Variants in ZUP1 observed in about 807,000 individuals in gnomAD.
ZUP1 encodes zinc finger-containing ubiquitin peptidase 1.
Under a neutral mutation model 68.1 loss-of-function variants are expected in ZUP1, and 55 were observed. That is an observed-to-expected ratio of 0.81 (90% confidence interval 0.65 to 1.01). ZUP1 has a LOEUF of 1.01. Ranked by LOEUF, ZUP1 falls within the 50% of genes least tolerant of loss-of-function variation. ZUP1 has a pLI of 0.00. For synonymous variants in ZUP1, 223 were observed against 221.5 expected (o/e 1.01, Z -0.06); for missense variants, 684 against 674.9 (o/e 1.01, Z -0.15).
chr6:116,645,308 C>T (rs544555534), intron 9 of ZUP1, among the ~76,000 whole-genome samples: 5 of 152,034 alleles, frequency 3.3e-5, no homozygotes, highest in East Asian at 1.9e-4. Flanking sequence ...GGGCTAGGCA[C>T]GGTGGCTCAC....
chr6:116,639,131 C>T (rs1036376332), intron 9 of ZUP1, among the ~76,000 whole-genome samples: 13 of 152,256 alleles, frequency 8.5e-5, no homozygotes, highest in South Asian at 8.3e-4. Context: ...AGCAAGGCTG[C>T]GGGAGGGGTG....
At chr6:116,641,089 A>G (rs993467142) in intron 9 of ZUP1, among the ~76,000 whole-genome samples, 36 of 140,602 alleles carry the variant, frequency 2.6e-4, no homozygotes, top group Non-Finnish European at 4.7e-4. Flanking sequence ...AAAGAGACAA[A>G]GGAGGCCATT....
At chr6:116,643,190 A>G (rs1776178738) in intron 9 of ZUP1, among the ~76,000 whole-genome samples, 2 of 152,234 alleles carry the variant, frequency 1.3e-5, no homozygotes, top group African/African-American at 4.8e-5. Context: ...ATAAAAGAGG[A>G]TACAAACAAA....
intron 2 of ZUP1, among the ~76,000 whole-genome samples, chr6:116,664,971 G>A (rs1205935057): frequency 6.6e-6 from 1 of 151,786 alleles, no homozygotes; most frequent in Admixed American, 6.6e-5. Flanking sequence ...TATGAGAATA[G>A]CTTTTTGAAT....
chr6:116,663,400 T>C (rs578166309), intron 2 of ZUP1, among the ~76,000 whole-genome samples: 1 of 152,322 alleles, frequency 6.6e-6, no homozygotes, highest in South Asian at 2.1e-4. Flanking sequence ...CTATTTCACT[T>C]CTGTACTTCT....
rs746982199 is a variant in ZUP1 at position 116,666,779 on chromosome 6, G to C, written c.414C>G (p.Ser138Arg). The C allele has an allele frequency of 1.9e-6, 3 of 1,613,820 alleles. No homozygotes were observed. Among genetic ancestry groups the C allele is most frequent in the South Asian group, 2.2e-5 (2 of 91,038 alleles). ...KFLKSREKQS[S>R]LTEIKGSVYE... ...AAACAGATCCTTTTATTTCGGTCAG[G>C]CTGGACTGTTTTTCCCTACTTTTCA... The change falls in exon 2 of 10, where the codon AGC becomes AGG. Residue 138 changes from serine to arginine, a missense_variant. Physicochemically the swap from Ser to Arg is moderately radical, Grantham distance 110 (BLOSUM62 -1). Coordinates refer to ENST00000368576, the MANE Select transcript of ZUP1 (RefSeq NM_145062.3).
chr6:116,668,392 A>C (rs1777073233), intron 1 of ZUP1, among the ~76,000 whole-genome samples, 174 bp downstream of exon 1: 1 of 152,226 alleles, frequency 6.6e-6, no homozygotes. Context: ...AGTGAGAGGC[A>C]TGAAGGACCC....
chr6:116,661,716 A>G (rs1208593984), intron 2 of ZUP1, among the ~76,000 whole-genome samples: 1 of 152,130 alleles, frequency 6.6e-6, no homozygotes. Context: ...GCATAGAGCA[A>G]TCTGTATATG....
intron 9 of ZUP1, among the ~76,000 whole-genome samples, chr6:116,639,562 T>A (rs1488751653): frequency 6.6e-6 from 1 of 152,186 alleles, no homozygotes; most frequent in African/African-American, 2.4e-5. Flanking sequence ...CCACTGCTAC[T>A]GATACCCAGG....
In ZUP1 at chr6:116,652,194, TA is replaced by T. The variant is rs752765441; in HGVS notation, c.962-3del. The T allele has an allele frequency of 4.4e-6, 7 of 1,608,652 alleles. No individual in the cohort carries two copies. The African/African-American group carries it at 9.4e-5, about 22-fold the overall frequency. On this transcript the variant is annotated splice_polypyrimidine_tract_variant and splice_region_variant and intron_variant, in intron 5 of 9. Coordinates refer to ENST00000368576, the MANE Select transcript of ZUP1 (RefSeq NM_145062.3). ...ACCTATGAAGTGCTTCAATAATTCCTAAAGTAGAAAAGAGATTCAGAAGCAG... is the reference window on the plus strand; with the variant it reads ...ACCTATGAAGTGCTTCAATAATTCCTAAGTAGAAAAGAGATTCAGAAGCAG...
chr6:116,649,418 C>G (rs13202520), intron 7 of ZUP1, among the ~76,000 whole-genome samples: 1 of 151,708 alleles, frequency 6.6e-6, no homozygotes, highest in African/African-American at 2.4e-5. Flanking sequence ...TGGGAATAGA[C>G]AGGAAAAGAG....
chr6:116,652,194 T>C lies in ZUP1; in HGVS notation c.962-2A>G, dbSNP rs1562405884. The C allele has an allele frequency of 6.2e-7, 1 of 1,608,770 alleles. No individual in the cohort carries two copies. Among genetic ancestry groups the C allele is most frequent in the Non-Finnish European group, 8.5e-7 (1 of 1,177,866 alleles). Reference sequence around the variant, plus strand: ...ACCTATGAAGTGCTTCAATAATTCCTAAAGTAGAAAAGAGATTCAGAAGCA... The same window carrying C: ...ACCTATGAAGTGCTTCAATAATTCCCAAAGTAGAAAAGAGATTCAGAAGCA... On this transcript the variant is annotated splice_acceptor_variant, in intron 5 of 9. Transcript: ENST00000368576. LOFTEE classifies it high-confidence loss of function.
chr6:116,640,153 A>C (rs1235137437), intron 9 of ZUP1, among the ~76,000 whole-genome samples: 2 of 129,786 alleles, frequency 1.5e-5, no homozygotes, highest in Admixed American at 1.6e-4. Context: ...GAATAGAAAG[A>C]AATGAACAAA....
In ZUP1 at chr6:116,651,642, T is replaced by C. The variant is rs970538479; in HGVS notation, c.1246A>G (p.Arg416Gly). 6.2e-7 allele frequency: 1 copy of C among 1,613,844 alleles called. No homozygotes were observed. Among genetic ancestry groups the C allele is most frequent in the Non-Finnish European group, 8.5e-7 (1 of 1,179,852 alleles). The change falls in exon 7 of 10, where the codon AGG becomes GGG. Residue 416 changes from arginine to glycine, a missense_variant. By Grantham distance (125) the Arg-to-Gly change is moderately radical (BLOSUM62 -2). Coordinates refer to ENST00000368576, the MANE Select transcript of ZUP1 (RefSeq NM_145062.3). ...ATCCAGGCCTTTGTTCCCTGTAACCTGTTATTAAGTTGAGAGGCCCCCTGA... is the reference window on the plus strand; with the variant it reads ...ATCCAGGCCTTTGTTCCCTGTAACCCGTTATTAAGTTGAGAGGCCCCCTGA... Reference protein sequence around the residue: ...DPQGASQLNNRLQGTKAWIGA... With the variant: ...DPQGASQLNNGLQGTKAWIGA...
At chr6:116,664,749 C>T (rs1413976469) in intron 2 of ZUP1, among the ~76,000 whole-genome samples, 2 of 151,820 alleles carry the variant, frequency 1.3e-5, no homozygotes, top group Non-Finnish European at 2.9e-5. Context: ...GAAACTGGCC[C>T]ACACAGATAT....
In ZUP1 at chr6:116,652,001, T is replaced by C. The variant is rs758064017; in HGVS notation, c.1150+3A>G. On this transcript the variant is annotated splice_donor_region_variant and intron_variant, in intron 6 of 9. Transcript: ENST00000368576. ...CAAGTTCAGAGTACTAGATTTCACA[T>C]ACCTTTTAAGCAATCGTTGTAAGCA... 4.3e-6 allele frequency: 7 copies of C among 1,613,392 alleles called. No individual in the cohort carries two copies. The highest frequency in any genetic ancestry group is 2.2e-5 in the East Asian group (1 of 44,870).
chr6:116,640,915 C>G (rs1268280634), intron 9 of ZUP1, among the ~76,000 whole-genome samples: 155 of 148,060 alleles, frequency 1.0e-3, no homozygotes, highest in Non-Finnish European at 1.2e-3. Flanking sequence ...AGAGTCAAGA[C>G]CCATCAGTGT....
Position 116,651,587 on chromosome 6 carries a change from G to A in ZUP1, c.1301C>T (p.Thr434Ile), listed in dbSNP as rs1460696766. Residue 434 changes from threonine to isoleucine, a missense_variant, in exon 7 of 10, where the codon ACC (threonine) becomes ATC (isoleucine). Transcript: ENST00000368576. ...AGGTACATACTTTACCCTTAGGGAG[G>A]TCAGGAGTATATATACTTCACATGC... ...IGACEVYILL[T>I]SLRVKCHIVD... 2.5e-6 allele frequency: 4 copies of A among 1,612,146 alleles called. No homozygotes were observed. In the African/African-American group the frequency reaches 5.3e-5, roughly 22 times the overall value.
At chr6:116,666,521 A>C in intron 2 of ZUP1, 113 bp downstream of exon 2, 1 of 753,708 alleles carries the variant, frequency 1.3e-6, no homozygotes, top group Non-Finnish European at 2.0e-6. Flanking sequence ...TATAGACATA[A>C]AATGGATTTC....
Sources: allele counts gnomAD v4.1 joint callset (sites outside exome capture counted in the v4.1 genomes callset), GRCh38; gene constraint gnomAD v4.1.1; transcripts MANE v1.5; gene names NCBI Gene and HGNC (gene_info 2026-07-23, HGNC 2026-07-21).